The following GFRA1 variants were observed in gnomAD, a reference collection of about 807,000 sequenced individuals.
The protein encoded by GFRA1 is GDNF family receptor alpha 1.
A neutral mutation model predicts 51.6 loss-of-function variants in GFRA1; 16 were observed. The observed-to-expected ratio is 0.31, with a 90% CI of 0.21 to 0.47. The LOEUF (loss-of-function observed/expected upper bound fraction) is 0.47, where lower values mean the gene tolerates loss of function less well. Among genes scored for constraint, GFRA1 ranks in the 20% least tolerant of loss-of-function variants. The pLI is 1.00. For synonymous variants in GFRA1, 270 were observed against 241.3 expected (o/e 1.12, Z -1.10); for missense variants, 530 against 594.3 (o/e 0.89, Z 1.13).
chr10:116,244,469 T>G (rs1430978489), intron 4 of GFRA1, among the ~76,000 whole-genome samples: 3 of 147,318 alleles, frequency 2.0e-5, no homozygotes, highest in Admixed American at 2.0e-4. Context: ...AATTTTAATA[T>G]ATAATAAATT....
At chr10:116,229,641 A>G (rs1966556352) in intron 4 of GFRA1, among the ~76,000 whole-genome samples, 1 of 152,206 alleles carries the variant, frequency 6.6e-6, no homozygotes, top group African/African-American at 2.4e-5. Flanking sequence ...GAGCACATGA[A>G]GGTGAGGAGG....
At chr10:116,232,414 G>A (rs1402994654) in intron 4 of GFRA1, among the ~76,000 whole-genome samples, 1 of 151,610 alleles carries the variant, frequency 6.6e-6, no homozygotes, top group African/African-American at 2.4e-5. Flanking sequence ...TGTAAATATC[G>A]AGGCATTGTG....
rs1257758926 is a variant in GFRA1, at chr10:116,176,725, C to CTT, written c.433+34905_433+34906insAA. Among the ~76,000 whole-genome samples the CTT allele has an allele frequency of 5.9e-3, 771 of 130,756 alleles. 5 individuals carry two copies. The highest frequency in any genetic ancestry group is 0.018 in the African/African-American group (724 of 39,312). The allele number at this position is 130,756 out of a possible 152,430, so 85.8% of individuals were successfully genotyped here. A position where few individuals can be genotyped will look rare whatever the true frequency, so the allele number is the denominator to read the frequency against. On this transcript the variant is annotated intron_variant, in intron 5 of 10. Coordinates refer to ENST00000355422, the MANE Select transcript of GFRA1 (RefSeq NM_005264.8). Reference sequence around the variant, plus strand: ...CCCTTTCTCCCTCCCTCCCTCCCTCCCTCCTTCCTTCCTTCCTTCCTTCCT... The same window carrying CTT: ...CCCTTTCTCCCTCCCTCCCTCCCTCCTTCTCCTTCCTTCCTTCCTTCCTTCCT...
chr10:116,065,585 G>T lies in GFRA1; in HGVS notation c.1239C>A (p.Leu413=). The T allele has an allele frequency of 1.2e-6, 2 of 1,612,574 alleles. No homozygotes were observed. The highest frequency in any genetic ancestry group is 3.3e-5 in the Admixed American group (2 of 60,020). ...LKSNVSGNTH[L]CISNGNYEKE... is the part of the protein sequence containing the mutation. Reference sequence around the variant, plus strand: ...GAAACATACTTACATTGGAAATACAGAGGTGTGTATTGCCCGACACATTGG... The same window carrying T: ...GAAACATACTTACATTGGAAATACATAGGTGTGTATTGCCCGACACATTGG... Residue 413 remains leucine, a synonymous_variant, in exon 10 of 11, where the codon CTC becomes CTA. Transcript: ENST00000355422.
At chr10:116,244,239 G>GT (rs1967662836) in intron 4 of GFRA1, among the ~76,000 whole-genome samples, 1 of 149,734 alleles carries the variant, frequency 6.7e-6, no homozygotes, top group Non-Finnish European at 1.5e-5. Context: ...CTGCCTTATA[G>GT]TAAATATTTT....
At chr10:116,221,447 C>T (rs1315422137) in intron 4 of GFRA1, among the ~76,000 whole-genome samples, 4 of 152,138 alleles carry the variant, frequency 2.6e-5, no homozygotes, top group Admixed American at 2.0e-4. Context: ...TTTTTAAAGA[C>T]AGAGTCTCAC....
intron 9 of GFRA1, among the ~76,000 whole-genome samples, chr10:116,076,836 GT>G (rs1955639274): frequency 6.6e-6 from 1 of 152,102 alleles, no homozygotes; most frequent in African/African-American, 2.4e-5. Context: ...ACTGGCTTTT[GT>G]TGCCTCAAAA....
intron 5 of GFRA1, among the ~76,000 whole-genome samples, chr10:116,179,139 A>T (rs1961959810): frequency 6.6e-6 from 1 of 152,176 alleles, no homozygotes; most frequent in Non-Finnish European, 1.5e-5. Context: ...AACCCAGCCA[A>T]TCACAGCCTC....
At chr10:116,070,102 A>G (rs910074900) in intron 9 of GFRA1, among the ~76,000 whole-genome samples, 4 of 152,188 alleles carry the variant, frequency 2.6e-5, no homozygotes, top group Non-Finnish European at 4.4e-5. Flanking sequence ...AAGTTGCCCA[A>G]TCCAATAGCA....
chr10:116,263,249 A>G (rs903249039), intron 4 of GFRA1, among the ~76,000 whole-genome samples: 6 of 152,210 alleles, frequency 3.9e-5, no homozygotes, highest in Non-Finnish European at 8.8e-5. Flanking sequence ...GGTCTGCTGA[A>G]AAGAGTCCCA....
intron 6 of GFRA1, among the ~76,000 whole-genome samples, chr10:116,097,300 T>C (rs1002599997): frequency 5.9e-5 from 9 of 152,186 alleles, no homozygotes; most frequent in Non-Finnish European, 1.2e-4. Context: ...GGTAGTGATT[T>C]ATTCCAGCCG....
chr10:116,153,029 T>A (rs1169956781), intron 5 of GFRA1, among the ~76,000 whole-genome samples: 2 of 152,186 alleles, frequency 1.3e-5, no homozygotes. Flanking sequence ...CATCCATCCA[T>A]GCATCCATCT....
chr10:116,148,105 C>T (rs1958909254), intron 5 of GFRA1, among the ~76,000 whole-genome samples: 1 of 76,994 alleles, frequency 1.3e-5, no homozygotes, highest in Non-Finnish European at 2.8e-5. Context: ...TGTGTGCATG[C>T]ATGGGTGTGT....
In GFRA1 at chr10:116,197,376, T is replaced by C. The variant is rs56070205; in HGVS notation, c.433+14255A>G. 9.2e-3 allele frequency among the ~76,000 whole-genome samples: 1,398 copies of C among 152,254 alleles called. 11 individuals carry two copies. The highest frequency in any genetic ancestry group is 0.03 in the Admixed American group (457 of 15,288). ...ACGGAATCTGCCAGCACCTTGATCTTAGACCTCCCAGCCTCTAGAACTGCC... is the reference window on the plus strand; with the variant it reads ...ACGGAATCTGCCAGCACCTTGATCTCAGACCTCCCAGCCTCTAGAACTGCC... On this transcript the variant is annotated intron_variant, in intron 5 of 10. Transcript: ENST00000355422.
At chr10:116,105,110 G>A (rs1323117023) in intron 6 of GFRA1, among the ~76,000 whole-genome samples, 2 of 152,178 alleles carry the variant, frequency 1.3e-5, no homozygotes, top group African/African-American at 2.4e-5. Flanking sequence ...TTGTTTTTAA[G>A]GGAAGAAATT....
At chr10:116,189,298 T>A (rs1338085949) in intron 5 of GFRA1, among the ~76,000 whole-genome samples, 1 of 152,166 alleles carries the variant, frequency 6.6e-6, no homozygotes, top group Non-Finnish European at 1.5e-5. Flanking sequence ...TTCATCCAAA[T>A]CATAACTCCA....
chr10:116,233,564 T>C (rs1966814724), intron 4 of GFRA1, among the ~76,000 whole-genome samples: 2 of 152,048 alleles, frequency 1.3e-5, no homozygotes, highest in African/African-American at 4.8e-5. Context: ...CCACAGCCCA[T>C]GGCCCCCTCC....
chr10:116,147,561 C>T (rs560007854), intron 5 of GFRA1, among the ~76,000 whole-genome samples: 73 of 152,230 alleles, frequency 4.8e-4, no homozygotes, highest in African/African-American at 1.7e-3. Context: ...GTGACTCTGT[C>T]ACCACAAGTC....
At chr10:116,211,696 G>C in intron 4 of GFRA1, 51 bp from the exon 5 acceptor site, 26 of 1,356,154 alleles carry the variant, frequency 1.9e-5, no homozygotes, top group African/African-American at 4.3e-5. Context: ...AAAGAGAGGA[G>C]AAAAAATATT....
Sources: gnomAD v4.1 joint callset for allele counts (sites outside exome capture counted in the v4.1 genomes callset) on GRCh38, gnomAD v4.1.1 for gene constraint, MANE v1.5 for transcripts, NCBI Gene and HGNC (gene_info 2026-07-23, HGNC 2026-07-21) for gene names.